The following KHK variants were observed in gnomAD, a reference collection of about 807,000 sequenced individuals.
KHK encodes fructokinase.
KHK carries 37 observed loss-of-function variants against 36.0 expected under a neutral mutation model. The observed-to-expected ratio is 1.03, with a 90% confidence interval of 0.79 to 1.35. The LOEUF (loss-of-function observed/expected upper bound fraction) is 1.35, where lower values mean the gene tolerates loss of function less well. KHK is among the 40% of genes most tolerant of loss of function. The probability of loss-of-function intolerance (pLI) is 0.00; values close to 1 mark genes in which losing one functional copy is unlikely to be tolerated. For missense variants in KHK, 395 were observed against 391.9 expected (o/e 1.01, Z -0.07); for synonymous variants, 161 against 162.8 (o/e 0.99, Z 0.08).
chr2:27,094,368 TTTGC>T, intron 2 of KHK: 4 of 1,335,598 alleles, frequency 3.0e-6, no homozygotes, highest in Non-Finnish European at 4.2e-6. Flanking sequence ...CCCAGCCCCC[TTTGC>T]TTGCACCCCT....
chr2:27,097,895 C>G (rs886140101), intron 5 of KHK, among the ~76,000 whole-genome samples: 30 of 152,114 alleles, frequency 2.0e-4, no homozygotes, highest in African/African-American at 7.0e-4. Context: ...GTAAGAATGC[C>G]CAGAGGGCTT....
In KHK at chr2:27,094,910, A is replaced by G; in HGVS notation, c.320A>G (p.Asn107Ser). ...SCCIINNSNG[N>S]RTIVLHDTSL... ...TGCATCATCAACAACTCCAATGGCA[A>G]CCGTACCATTGTGCTCCATGACACG... is the stretch of plus-strand genomic sequence containing the variant. The change falls in exon 3 of 8, where the codon AAC (asparagine) becomes AGC (serine). Residue 107 changes from asparagine to serine, a missense_variant. By Grantham distance (46) the Asn-to-Ser change is conservative. Coordinates refer to ENST00000260598, the MANE Select transcript of KHK (RefSeq NM_006488.3). 6.2e-7 allele frequency: 1 copy of G among 1,613,870 alleles called. No homozygotes were observed. Among genetic ancestry groups the G allele is most frequent in the Non-Finnish European group, 8.5e-7 (1 of 1,179,990 alleles).
intron 1 of KHK, among the ~76,000 whole-genome samples, chr2:27,090,732 C>T (rs1392429208): frequency 8.6e-5 from 13 of 151,794 alleles, no homozygotes; most frequent in African/African-American, 1.9e-4. Context: ...AGATTATGGG[C>T]GTGAGCCACT....
At chr2:27,095,039 C>G in intron 3 of KHK, 105 bp downstream of exon 3, 1 of 1,345,882 alleles carries the variant, frequency 7.4e-7, no homozygotes, top group Non-Finnish European at 1.1e-6. Flanking sequence ...TCTGTGGCTT[C>G]TGTGTACCAG....
At chr2:27,098,993 AG>A in intron 5 of KHK, 1 of 562,212 alleles carries the variant, frequency 1.8e-6, no homozygotes, top group Non-Finnish European at 3.3e-6. Flanking sequence ...TGGGGCCAGG[AG>A]TTCAAGACCA....
At chr2:27,093,001 A>G (rs1458769901) in intron 2 of KHK, among the ~76,000 whole-genome samples, 1 of 152,168 alleles carries the variant, frequency 6.6e-6, no homozygotes, top group African/African-American at 2.4e-5. Context: ...TGTCAGGGCT[A>G]TAGCCCTAAA....
At position 27,092,467 on chromosome 2, in the gene KHK, G is replaced by T; in HGVS notation, c.209+19G>T. The T allele has an allele frequency of 1.3e-6, 2 of 1,556,778 alleles. No individual in the cohort carries two copies. The highest frequency in any genetic ancestry group is 1.8e-6 in the Non-Finnish European group (2 of 1,129,790). ...TTGCTGAGTAAGTCCAGGAGGGAGA[G>T]CCCACTGGGGAAGGCCTGCCTGCAT... On this transcript the variant is annotated intron_variant, in intron 2 of 7. Coordinates refer to ENST00000260598, the MANE Select transcript of KHK (RefSeq NM_006488.3).
rs1465753407 is a variant in KHK, at chr2:27,087,320, G to A, written c.61G>A (p.Asp21Asn). ...LVVLDVISLV[D>N]KYPKEDSEIR... ...GGTGCTGGACGTCATCAGCCTGGTG[G>A]ACAAGTACCCTAAGGAGGACTCGGA... Residue 21 changes from aspartate to asparagine, a missense_variant, in exon 1 of 8, where the codon GAC becomes AAC. By Grantham distance (23) the Asp-to-Asn change is conservative. Transcript: ENST00000260598. 1 of 1,600,148 alleles carries A rather than the reference G, an allele frequency of 6.2e-7. No homozygotes were observed. The highest frequency in any genetic ancestry group is 8.5e-7 in the Non-Finnish European group (1 of 1,172,948).
In KHK at chr2:27,094,472, A is replaced by G. The variant is rs74537742; in HGVS notation, c.210-328A>G. On this transcript the variant is annotated intron_variant, in intron 2 of 7. Coordinates refer to ENST00000260598, the MANE Select transcript of KHK (RefSeq NM_006488.3). Reference sequence around the variant, plus strand: ...CACCCCCTTCGGGTTACTCCGCCCTAGCAGTTTTGTCCTGGATGACCTCCG... The same window carrying G: ...CACCCCCTTCGGGTTACTCCGCCCTGGCAGTTTTGTCCTGGATGACCTCCG... 16,935 of 1,613,080 alleles carry G rather than the reference A, an allele frequency of 0.01. 1,521 individuals carry two copies. In the African/African-American group the frequency reaches 0.2, roughly 19 times the overall value.
At chr2:27,099,044 GAA>G in intron 5 of KHK, 150 bp from the exon 6 acceptor site, 2 of 781,384 alleles carry the variant, frequency 2.6e-6, no homozygotes, top group East Asian at 5.0e-5. Flanking sequence ...AAAGAAAAAA[GAA>G]AACCACGTTC....
chr2:27,096,433 A>AGT (rs916560141), intron 3 of KHK, among the ~76,000 whole-genome samples: 6 of 152,154 alleles, frequency 3.9e-5, no homozygotes. Flanking sequence ...TGGCGCTCTC[A>AGT]GTGCATTCTG....
At chr2:27,088,292 G>A (rs1266017420) in intron 1 of KHK, among the ~76,000 whole-genome samples, 1 of 151,672 alleles carries the variant, frequency 6.6e-6, no homozygotes, top group South Asian at 2.1e-4. Context: ...TTTGTATAAG[G>A]GACGGGTTCT....
intron 2 of KHK, chr2:27,094,518 G>T: frequency 3.7e-6 from 6 of 1,614,012 alleles, no homozygotes; most frequent in Non-Finnish European, 4.2e-6. Context: ...GTGGACCTAC[G>T]CTACACAGTC....
intron 1 of KHK, among the ~76,000 whole-genome samples, chr2:27,088,443 C>T (rs1669795286): frequency 1.3e-5 from 2 of 152,114 alleles, no homozygotes; most frequent in East Asian, 1.9e-4. Context: ...GACAGAGTCT[C>T]GCTCTGTTGC....
At chr2:27,094,110 C>G (rs1670175588) in intron 2 of KHK, 10 of 370,420 alleles carry the variant, frequency 2.7e-5, no homozygotes, top group South Asian at 1.6e-4. Flanking sequence ...AGGAAACAAG[C>G]CACGGTGCCC....
chr2:27,092,331 G>A lies in KHK; in HGVS notation c.93-1G>A. 1 of 1,611,418 alleles carries A rather than the reference G, an allele frequency of 6.2e-7. No individual in the cohort carries two copies. The highest frequency in any genetic ancestry group is 8.5e-7 in the Non-Finnish European group (1 of 1,178,914). On this transcript the variant is annotated splice_acceptor_variant, in intron 1 of 7. Coordinates refer to ENST00000260598, the MANE Select transcript of KHK (RefSeq NM_006488.3). LOFTEE classifies it high-confidence loss of function. Reference sequence around the variant, plus strand: ...GCAGGGACCCTCCCTGTGCTTTGCAGGTGTTTGTCCCAGAGATGGCAGCGC... The same window carrying A: ...GCAGGGACCCTCCCTGTGCTTTGCAAGTGTTTGTCCCAGAGATGGCAGCGC...
chr2:27,094,947 G>A lies in KHK; in HGVS notation c.344+13G>A. 6.2e-7 allele frequency: 1 copy of A among 1,613,636 alleles called. No individual in the cohort carries two copies. The highest frequency in any genetic ancestry group is 8.5e-7 in the Non-Finnish European group (1 of 1,180,016). ...TGCTCCATGACACGTAAGGCCCCCGGGCCTCGCCCTGCTACAACCCACCAA... is the reference window on the plus strand; with the variant it reads ...TGCTCCATGACACGTAAGGCCCCCGAGCCTCGCCCTGCTACAACCCACCAA... On this transcript the variant is annotated intron_variant, in intron 3 of 7. Transcript: ENST00000260598.
chr2:27,094,097 T>C (rs1244504073), intron 2 of KHK: 5 of 362,808 alleles, frequency 1.4e-5, no homozygotes, highest in African/African-American at 4.2e-5. Flanking sequence ...GTTTGGGCAT[T>C]GCAGGAAACA....
chr2:27,096,652 G>A, intron 3 of KHK, 77 bp from the exon 4 acceptor site: 1 of 1,148,010 alleles, frequency 8.7e-7, no homozygotes, highest in Non-Finnish European at 1.3e-6. Flanking sequence ...AGGGTCCACA[G>A]CTGCCAGTTA....
Sources: gnomAD v4.1 joint callset for allele counts (sites outside exome capture counted in the v4.1 genomes callset) on GRCh38, gnomAD v4.1.1 for gene constraint, MANE v1.5 for transcripts, NCBI Gene and HGNC (gene_info 2026-07-23, HGNC 2026-07-21) for gene names.